The following NECTIN3 variants were observed in gnomAD, a reference collection of about 807,000 sequenced individuals.
NECTIN3 encodes the protein nectin cell adhesion molecule 3, also known as nectin-3.
In NECTIN3, 8 loss-of-function variants were observed where a neutral mutation model predicts 49.4. The observed-to-expected ratio is 0.16, with a 90% CI of 0.10 to 0.29. The LOEUF is 0.29. Among genes scored for constraint, NECTIN3 ranks in the 10% least tolerant of loss-of-function variants. The pLI is 1.00. For missense variants in NECTIN3, 581 were observed against 654.6 expected, an observed-to-expected ratio of 0.89 and a Z score of 1.23; for synonymous variants, 277 against 241.1, an observed-to-expected ratio of 1.15 and a Z score of -1.38.
chr3:111,153,704 C>T (rs752845323), intron 7 of NECTIN3, among the ~76,000 whole-genome samples: 12 of 152,046 alleles, frequency 7.9e-5, no homozygotes, highest in Non-Finnish European at 1.5e-4. Context: ...TTAAACTTAG[C>T]ATATATTTCT....
At chr3:111,140,806 A>G (rs1217080465), downstream of NECTIN3, among the ~76,000 whole-genome samples, 1 of 151,924 alleles carries the variant, frequency 6.6e-6, no homozygotes, top group African/African-American at 2.4e-5. Context: ...CCGTAGATAC[A>G]GTGGGTGCTC....
At chr3:111,151,840 GA>G (rs1404881618) in intron 7 of NECTIN3, among the ~76,000 whole-genome samples, 1 of 151,636 alleles carries the variant, frequency 6.6e-6, no homozygotes, top group African/African-American at 2.4e-5. Context: ...ACAATATAAA[GA>G]GGTGTTTTCT....
chr3:111,093,832 A>G (rs1559772661), intron 1 of NECTIN3, among the ~76,000 whole-genome samples: 2 of 152,192 alleles, frequency 1.3e-5, no homozygotes, highest in Non-Finnish European at 2.9e-5. Context: ...TAACTAAAAC[A>G]TTTAAATATT....
At chr3:111,094,743 C>T (rs1206951473) in intron 1 of NECTIN3, among the ~76,000 whole-genome samples, 1 of 152,202 alleles carries the variant, frequency 6.6e-6, no homozygotes, top group Non-Finnish European at 1.5e-5. Flanking sequence ...TCATTAGAGA[C>T]TAGTGACCCA....
At chr3:111,080,637 CA>C (rs1193105113) in intron 1 of NECTIN3, among the ~76,000 whole-genome samples, 1 of 145,474 alleles carries the variant, frequency 6.9e-6, no homozygotes, top group African/African-American at 2.6e-5. Flanking sequence ...TTTACTGTTA[CA>C]GAAGTAAAGT....
chr3:111,098,343 C>T (rs2032709969), intron 1 of NECTIN3, among the ~76,000 whole-genome samples: 1 of 152,212 alleles, frequency 6.6e-6, no homozygotes, highest in South Asian at 2.1e-4. Flanking sequence ...TATTCTCACA[C>T]AGTTCTGGAG....
chr3:111,160,170 C>T (rs1053130670), intron 7 of NECTIN3, among the ~76,000 whole-genome samples: 4 of 152,202 alleles, frequency 2.6e-5, no homozygotes, highest in African/African-American at 9.6e-5. Flanking sequence ...CTTCTCTTTT[C>T]TAATCCCTGT....
At position 111,135,194 on chromosome 3, in the gene NECTIN3, A is replaced by G. The variant is rs563195753; in HGVS notation, c.*979A>G. ...TAGTTATTTAATGTTGATGTTGTTC[A>G]AATGGGTAAATGTACAGAAAGAAAA... is the stretch of plus-strand genomic sequence containing the variant. On this transcript the variant is annotated 3_prime_UTR_variant, in exon 6 of 6. Transcript: ENST00000485303. 9.3e-5 allele frequency: 91 copies of G among 980,268 alleles called. 1 individual carries two copies. The African/African-American group carries it at 1.5e-3, about 16-fold the overall frequency. The allele number at this position is 980,268 out of a possible 1,614,324, so 60.7% of individuals were successfully genotyped here. A position where few individuals can be genotyped will look rare whatever the true frequency, so the allele number is the denominator to read the frequency against.
At chr3:111,173,955 CATT>C (rs1356615764) in intron 7 of NECTIN3, among the ~76,000 whole-genome samples, 6 of 152,122 alleles carry the variant, frequency 3.9e-5, no homozygotes, top group South Asian at 2.1e-4. Flanking sequence ...TCATCATCAT[CATT>C]ATCATTATCG....
intron 1 of NECTIN3, among the ~76,000 whole-genome samples, chr3:111,079,067 G>A (rs909596645): frequency 6.6e-6 from 1 of 152,044 alleles, no homozygotes; most frequent in Non-Finnish European, 1.5e-5. Context: ...ATAATGTCAG[G>A]AGTGTGCTTG....
chr3:111,157,538 G>C (rs1365598247), intron 7 of NECTIN3, among the ~76,000 whole-genome samples: 2 of 151,902 alleles, frequency 1.3e-5, no homozygotes, highest in Non-Finnish European at 2.9e-5. Context: ...GTTTTTCTTT[G>C]TAATTTTAAA....
Position 111,134,223 on chromosome 3 carries a change from T to G in NECTIN3, c.*8T>G. 6.3e-7 allele frequency: 1 copy of G among 1,577,610 alleles called. No individual in the cohort carries two copies. Among genetic ancestry groups the G allele is most frequent in the Admixed American group, 1.8e-5 (1 of 55,070 alleles). On this transcript the variant is annotated 3_prime_UTR_variant, in exon 6 of 6. Transcript: ENST00000485303. ...AGGGAGTGGTATGTTTAGCAACCAC[T>G]GAATGTGACTTAACTATGTACAATG...
At chr3:111,117,180 A>G (rs564011541) in intron 2 of NECTIN3, among the ~76,000 whole-genome samples, 14 of 152,280 alleles carry the variant, frequency 9.2e-5, no homozygotes, top group African/African-American at 3.4e-4. Flanking sequence ...AGCTAAAGCT[A>G]AATGTTCCAA....
At chr3:111,117,711 A>AG (rs2033748156) in intron 2 of NECTIN3, among the ~76,000 whole-genome samples, 1 of 152,042 alleles carries the variant, frequency 6.6e-6, no homozygotes. Context: ...GAAAAAAAAA[A>AG]TCATTGAAAT....
At chr3:111,179,233 C>T (rs973481965) in intron 7 of NECTIN3, among the ~76,000 whole-genome samples, 1 of 152,104 alleles carries the variant, frequency 6.6e-6, no homozygotes, top group Non-Finnish European at 1.5e-5. Flanking sequence ...GGATCTAGAA[C>T]GTCTTTTCAC....
intron 1 of NECTIN3, among the ~76,000 whole-genome samples, chr3:111,095,767 A>G (rs1028516035): frequency 6.6e-6 from 1 of 152,144 alleles, no homozygotes; most frequent in Non-Finnish European, 1.5e-5. Flanking sequence ...CAAGCCCTCT[A>G]TGCCTGTAGC....
In NECTIN3 at chr3:111,136,156, A is replaced by G. The variant is rs188729707; in HGVS notation, c.*1941A>G. 5.7e-4 allele frequency: 558 copies of G among 980,006 alleles called. No homozygotes were observed. In the African/African-American group the frequency reaches 8.9e-3, roughly 16 times the overall value. 60.7% of individuals were successfully genotyped at this position (980,006 alleles called of 1,614,324 possible). On this transcript the variant is annotated 3_prime_UTR_variant, in exon 6 of 6. Coordinates refer to ENST00000485303, the MANE Select transcript of NECTIN3 (RefSeq NM_015480.3). ...AAAACTATGGCTTTTTTTAAAATCA[A>G]AATTTCATCTTTTAAAATAATGGTT...
intron 1 of NECTIN3, chr3:111,072,599 C>G (rs1409698994): frequency 3.9e-6 from 6 of 1,530,408 alleles, no homozygotes; most frequent in Non-Finnish European, 5.3e-6. Flanking sequence ...GACCGGAGCC[C>G]GATGGAATGA....
rs2034521470 is a variant in NECTIN3 at position 111,134,820 on chromosome 3, G to C, written c.*605G>C. 1.0e-6 allele frequency: 1 copy of C among 981,734 alleles called. No homozygotes were observed. Among genetic ancestry groups the C allele is most frequent in the Non-Finnish European group, 1.2e-6 (1 of 826,884 alleles). 60.8% of individuals were successfully genotyped at this position (981,734 alleles called of 1,614,324 possible). A position where few individuals can be genotyped will look rare whatever the true frequency, so the allele number is the denominator to read the frequency against. On this transcript the variant is annotated 3_prime_UTR_variant, in exon 6 of 6. Coordinates refer to ENST00000485303, the MANE Select transcript of NECTIN3 (RefSeq NM_015480.3). The stretch of plus-strand genomic sequence containing the variant: ...AATGAGCCTTGCCATAATTACTGTA[G>C]AGTGGCTTTTCAAAGATATTTTGTT...
Sources: gnomAD v4.1 joint callset for allele counts (sites outside exome capture counted in the v4.1 genomes callset) on GRCh38, gnomAD v4.1.1 for gene constraint, MANE v1.5 for transcripts, NCBI Gene and HGNC (gene_info 2026-07-23, HGNC 2026-07-21) for gene names.